The following DENND5B variants were observed in gnomAD, a reference collection of about 807,000 sequenced individuals.
DENND5B encodes DENN domain containing 5B, also known as DENN domain-containing protein 5B.
Under a neutral mutation model 140.6 loss-of-function variants are expected in DENND5B, and 34 were observed. That is an observed-to-expected ratio of 0.24 (90% CI 0.18 to 0.32). The LOEUF (loss-of-function observed/expected upper bound fraction) is 0.32. DENND5B is among the 10% of genes least tolerant of loss of function. The pLI is 1.00. For missense variants in DENND5B, 1,142 were observed against 1,560.2 expected, an observed-to-expected ratio of 0.73 and a Z score of 4.52; for synonymous variants, 551 against 562.1, an observed-to-expected ratio of 0.98 and a Z score of 0.28.
At chr12:31,551,032 A>C (rs952567959) in intron 1 of DENND5B, among the ~76,000 whole-genome samples, 1 of 152,042 alleles carries the variant, frequency 6.6e-6, no homozygotes, top group African/African-American at 2.4e-5. Context: ...CTCTGATGGT[A>C]GTTTCTTTTG....
At chr12:31,494,757 A>C (rs1025140562) in intron 2 of DENND5B, among the ~76,000 whole-genome samples, 2 of 152,068 alleles carry the variant, frequency 1.3e-5, no homozygotes, top group African/African-American at 4.8e-5. Context: ...CCACAACCAA[A>C]CAGACTGATC....
At chr12:31,554,944 T>C (rs1949219672) in intron 1 of DENND5B, among the ~76,000 whole-genome samples, 1 of 152,222 alleles carries the variant, frequency 6.6e-6, no homozygotes, top group South Asian at 2.1e-4. Flanking sequence ...TTGGTTATTC[T>C]AGTTATCCAT....
chr12:31,471,492 G>A (rs1329274564), intron 3 of DENND5B, among the ~76,000 whole-genome samples: 1 of 121,022 alleles, frequency 8.3e-6, no homozygotes, highest in African/African-American at 3.2e-5. Flanking sequence ...GTAGAGACAG[G>A]GTTTCGTGAT....
At chr12:31,455,613 T>C (rs1415782709) in intron 4 of DENND5B, among the ~76,000 whole-genome samples, 1 of 152,210 alleles carries the variant, frequency 6.6e-6, no homozygotes, top group Non-Finnish European at 1.5e-5. Context: ...TCAATAAGTA[T>C]TACATGATAA....
chr12:31,543,716 G>A (rs1294618263), intron 1 of DENND5B, among the ~76,000 whole-genome samples: 2 of 152,008 alleles, frequency 1.3e-5, no homozygotes, highest in Non-Finnish European at 2.9e-5. Context: ...AAACAGAAAG[G>A]GAATGTTTAT....
intron 7 of DENND5B, among the ~76,000 whole-genome samples, chr12:31,438,939 A>G (rs892886098): frequency 6.6e-6 from 1 of 152,218 alleles, no homozygotes; most frequent in African/African-American, 2.4e-5. Context: ...AGAAAAGGAT[A>G]AAGATTAACT....
chr12:31,561,423 A>G (rs1949470914), intron 1 of DENND5B, among the ~76,000 whole-genome samples: 1 of 152,240 alleles, frequency 6.6e-6, no homozygotes, highest in Non-Finnish European at 1.5e-5. Context: ...CGGAAGTTCA[A>G]GAACAGTCTG....
At chr12:31,579,564 G>A (rs968849436) in intron 1 of DENND5B, among the ~76,000 whole-genome samples, 3 of 152,166 alleles carry the variant, frequency 2.0e-5, no homozygotes, top group Non-Finnish European at 4.4e-5. Flanking sequence ...GGGAGGCTGA[G>A]GCAGGAGAAT....
intron 17 of DENND5B, 92 bp downstream of exon 17, chr12:31,398,083 T>C (rs1244772644): frequency 6.7e-6 from 8 of 1,201,830 alleles, no homozygotes; most frequent in Admixed American, 3.2e-5. Flanking sequence ...TAAAATCTCC[T>C]CACTACATTC....
chr12:31,510,294 G>A (rs1947361483), intron 1 of DENND5B, among the ~76,000 whole-genome samples: 3 of 152,148 alleles, frequency 2.0e-5, no homozygotes. Context: ...CCTTTCTGGA[G>A]GCTCTGAAGA....
At chr12:31,590,530 C>A in intron 1 of DENND5B, 176 bp downstream of exon 1, 1 of 776,020 alleles carries the variant, frequency 1.3e-6, no homozygotes, top group Non-Finnish European at 1.8e-6. Flanking sequence ...AGCCCGCACG[C>A]GGAATAAATA....
intron 1 of DENND5B, among the ~76,000 whole-genome samples, chr12:31,505,329 C>G (rs769916366): frequency 6.6e-6 from 1 of 151,560 alleles, no homozygotes; most frequent in Non-Finnish European, 1.5e-5. Context: ...ACCTCTGCCT[C>G]CTGGGTTCAA....
intron 3 of DENND5B, among the ~76,000 whole-genome samples, chr12:31,462,804 C>T (rs970581583): frequency 6.6e-6 from 1 of 152,016 alleles, no homozygotes; most frequent in African/African-American, 2.4e-5. Flanking sequence ...ACTAAAAATA[C>T]AAAAATTAGC....
At chr12:31,547,642 C>G (rs1000171100) in intron 1 of DENND5B, among the ~76,000 whole-genome samples, 1 of 152,104 alleles carries the variant, frequency 6.6e-6, no homozygotes, top group South Asian at 2.1e-4. Context: ...GTGATCCACT[C>G]GCCCCACCTC....
chr12:31,437,876 C>T (rs1039621859), intron 7 of DENND5B, among the ~76,000 whole-genome samples: 1 of 152,226 alleles, frequency 6.6e-6, no homozygotes, highest in Non-Finnish European at 1.5e-5. Context: ...TCCCGTTCTC[C>T]TGCTCCCCCA....
chr12:31,494,221 TCTACCTACCTAC>T (rs1555162966), intron 2 of DENND5B, among the ~76,000 whole-genome samples: 12 of 106,496 alleles, frequency 1.1e-4, no homozygotes, highest in Admixed American at 2.0e-4. Flanking sequence ...CCTACCTACC[TCTACCTACCTAC>T]CTACCTACCT....
At chr12:31,554,536 T>C (rs1388340798) in intron 1 of DENND5B, among the ~76,000 whole-genome samples, 1 of 152,188 alleles carries the variant, frequency 6.6e-6, no homozygotes, top group African/African-American at 2.4e-5. Context: ...CTGACAATTA[T>C]GTGTCTTGGA....
chr12:31,400,072 G>A (rs1311087840), intron 15 of DENND5B, among the ~76,000 whole-genome samples: 1 of 152,158 alleles, frequency 6.6e-6, no homozygotes, highest in Non-Finnish European at 1.5e-5. Context: ...ACTTCTACTT[G>A]GGGAACCCAC....
At chr12:31,431,882 TAAC>T (rs1326305810) in intron 8 of DENND5B, among the ~76,000 whole-genome samples, 1 of 151,956 alleles carries the variant, frequency 6.6e-6, no homozygotes, top group African/African-American at 2.4e-5. Flanking sequence ...GGACTAAACA[TAAC>T]AAGAAGCAGA....
Sources: gnomAD v4.1 joint callset for allele counts (sites outside exome capture counted in the v4.1 genomes callset) on GRCh38, gnomAD v4.1.1 for gene constraint, MANE v1.5 for transcripts, NCBI Gene and HGNC (gene_info 2026-07-23, HGNC 2026-07-21) for gene names.